Variants in ABTB2 observed in about 807,000 individuals in gnomAD.
ABTB2 encodes the protein ankyrin repeat and BTB domain containing 2.
In ABTB2, 56 loss-of-function variants were observed where a neutral mutation model predicts 104.1. The ratio of observed to expected loss-of-function variants is 0.54; its 90% CI spans 0.43 to 0.67. ABTB2 has a LOEUF of 0.67. ABTB2 is among the 30% of genes least tolerant of loss of function. The pLI is 0.00. For missense variants in ABTB2, 1,279 were observed against 1,407.7 expected, an observed-to-expected ratio of 0.91 and a Z score of 1.46; for synonymous variants, 606 against 608.2, an observed-to-expected ratio of 1.00 and a Z score of 0.05.
intron 1 of ABTB2, among the ~76,000 whole-genome samples, chr11:34,292,884 G>A (rs1250019059): frequency 1.3e-5 from 2 of 152,186 alleles, no homozygotes; most frequent in Non-Finnish European, 2.9e-5. Flanking sequence ...AGGAAGGTAG[G>A]GGCCAAATCA....
At chr11:34,284,019 C>T (rs1854476255) in intron 1 of ABTB2, among the ~76,000 whole-genome samples, 1 of 152,252 alleles carries the variant, frequency 6.6e-6, no homozygotes, top group African/African-American at 2.4e-5. Context: ...GTGCCATGCA[C>T]ATGAATCCCT....
intron 1 of ABTB2, among the ~76,000 whole-genome samples, chr11:34,255,430 T>C (rs1854109199): frequency 6.6e-6 from 1 of 152,128 alleles, no homozygotes. Flanking sequence ...CAAAATCCTT[T>C]AAGCTGCTCC....
At chr11:34,318,398 C>G (rs112194297) in intron 1 of ABTB2, among the ~76,000 whole-genome samples, 83 of 152,266 alleles carry the variant, frequency 5.5e-4, no homozygotes, top group African/African-American at 2.0e-3. Flanking sequence ...GGATAATGGC[C>G]TCCAGCTCCA....
intron 1 of ABTB2, among the ~76,000 whole-genome samples, chr11:34,248,114 A>ATTT: frequency 1.6e-5 from 2 of 126,342 alleles, no homozygotes; most frequent in Non-Finnish European, 3.3e-5. Context: ...AAAAAAAAAA[A>ATTT]AAAAAAAACA....
At chr11:34,226,835 G>T (rs1279481917) in intron 1 of ABTB2, among the ~76,000 whole-genome samples, 4 of 152,186 alleles carry the variant, frequency 2.6e-5, no homozygotes, top group Non-Finnish European at 4.4e-5. Context: ...GGAGGCCGAG[G>T]CAGGTGGATC....
chr11:34,342,920 C>CATTCATTT (rs1554927959), intron 1 of ABTB2, among the ~76,000 whole-genome samples: 4 of 148,702 alleles, frequency 2.7e-5, no homozygotes, highest in Non-Finnish European at 4.5e-5. Flanking sequence ...ACTCCCATTT[C>CATTCATTT]ATTTATTTAT....
intron 3 of ABTB2, among the ~76,000 whole-genome samples, chr11:34,183,848 G>T (rs1853059727): frequency 2.0e-5 from 3 of 152,126 alleles, no homozygotes; most frequent in African/African-American, 4.8e-5. Context: ...TCCTCCAGCT[G>T]CTACCATGGT....
At chr11:34,289,710 T>C (rs755454093) in intron 1 of ABTB2, among the ~76,000 whole-genome samples, 1 of 152,126 alleles carries the variant, frequency 6.6e-6, no homozygotes, top group Non-Finnish European at 1.5e-5. Context: ...TCAGAGGCAA[T>C]GCATGAGACA....
chr11:34,201,746 T>C (rs1031820303), intron 2 of ABTB2, among the ~76,000 whole-genome samples: 4 of 152,202 alleles, frequency 2.6e-5, no homozygotes, highest in Non-Finnish European at 5.9e-5. Flanking sequence ...GCAAAAGCCC[T>C]GGTTTCAAAG....
chr11:34,286,045 ATCGCCTGTAGTC>A (rs1223508012), intron 1 of ABTB2, among the ~76,000 whole-genome samples: 4 of 151,672 alleles, frequency 2.6e-5, no homozygotes, highest in Non-Finnish European at 5.9e-5. Flanking sequence ...AAACATTATA[ATCGCCTGTAGTC>A]TCAGCTACTT....
rs1852598792 is a variant in ABTB2 at position 34,154,797 on chromosome 11, G to A, written c.2698-28C>T. The A allele has an allele frequency of 2.5e-6, 4 of 1,611,724 alleles. No individual in the cohort carries two copies. The highest frequency in any genetic ancestry group is 4.5e-5 in the East Asian group (2 of 44,834). The stretch of plus-strand genomic sequence containing the variant: ...GTGGTGGGAAGAGGCCCATGTGAAT[G>A]CCACGTGAACCTGAGGCATGAAAGT... On this transcript the variant is annotated intron_variant, in intron 14 of 16. Coordinates refer to ENST00000435224, the MANE Select transcript of ABTB2 (RefSeq NM_145804.3). This position sits in a 1 kb window ranked among gnomAD's most constrained non-coding sequence, Gnocchi z 4.9.
intron 1 of ABTB2, among the ~76,000 whole-genome samples, chr11:34,320,852 C>T (rs2133110814): frequency 6.6e-6 from 1 of 152,280 alleles, no homozygotes; most frequent in African/African-American, 2.4e-5. Flanking sequence ...CAATGTGCAC[C>T]AAAATCTTCC....
chr11:34,269,433 A>G (rs1051486009), intron 1 of ABTB2, among the ~76,000 whole-genome samples: 1 of 152,174 alleles, frequency 6.6e-6, no homozygotes, highest in African/African-American at 2.4e-5. Flanking sequence ...AAAGGAAAAG[A>G]AGGGAGGGGA....
intron 1 of ABTB2, among the ~76,000 whole-genome samples, chr11:34,229,986 T>C (rs1239098251): frequency 6.6e-6 from 1 of 152,158 alleles, no homozygotes; most frequent in Admixed American, 6.5e-5. Context: ...TATGTTCACG[T>C]TCCTCTCTTC....
chr11:34,190,028 A>C (rs894311422), intron 3 of ABTB2, among the ~76,000 whole-genome samples: 9 of 152,126 alleles, frequency 5.9e-5, no homozygotes, highest in African/African-American at 2.2e-4. Flanking sequence ...TCACTTGAGG[A>C]CAGGAGTTTG....
chr11:34,303,636 CTTTTTTTTTTTTT>C (rs35677380), intron 1 of ABTB2, among the ~76,000 whole-genome samples: 2 of 79,090 alleles, frequency 2.5e-5, no homozygotes, highest in Non-Finnish European at 4.4e-5. Flanking sequence ...ACTATGGGTG[CTTTTTTTTTTTTT>C]TTTTTTTTTT....
In ABTB2 at chr11:34,286,441, C is replaced by T. The variant is rs61880459; in HGVS notation, c.883+70260G>A. On this transcript the variant is annotated intron_variant, in intron 1 of 16. Transcript: ENST00000435224. ...CTGAGTAGCTGGGATTACAGGCACCCGCCACCACACCCAGCTAATGTTTGT... is the reference window on the plus strand; with the variant it reads ...CTGAGTAGCTGGGATTACAGGCACCTGCCACCACACCCAGCTAATGTTTGT... Among the ~76,000 whole-genome samples, 17 of 152,042 alleles carry T rather than the reference C, an allele frequency of 1.1e-4. No individual in the cohort carries two copies. In the South Asian group the frequency reaches 1.2e-3, roughly 11 times the overall value.
intron 1 of ABTB2, among the ~76,000 whole-genome samples, chr11:34,281,848 A>G (rs4756128): frequency 0.78 from 118,625 of 152,192 alleles, 46,488 homozygotes; most frequent in South Asian, 0.91. Flanking sequence ...CAAACAAGTC[A>G]TTGAGACTGT....
At chr11:34,243,491 C>T (rs372374926) in intron 1 of ABTB2, among the ~76,000 whole-genome samples, 35 of 152,332 alleles carry the variant, frequency 2.3e-4, no homozygotes, top group African/African-American at 7.9e-4. Context: ...ATAACCCTGC[C>T]CCTCCTCCAA....
Sources: allele counts gnomAD v4.1 joint callset (sites outside exome capture counted in the v4.1 genomes callset), GRCh38; gene constraint gnomAD v4.1.1; non-coding constraint Gnocchi (gnomAD v3.1); transcripts MANE v1.5; gene names NCBI Gene and HGNC (gene_info 2026-07-23, HGNC 2026-07-21).